SLC22A12: variants seen among roughly 807,000 people sequenced by gnomAD.
SLC22A12 encodes the protein solute carrier family 22 member 12, also known as organic anion transporter 4-like protein.
Under a neutral mutation model 52.7 loss-of-function variants are expected in SLC22A12, and 56 were observed. That is an observed-to-expected ratio of 1.06 (90% CI 0.86 to 1.33). The LOEUF (loss-of-function observed/expected upper bound fraction) is 1.33, where lower values mean the gene tolerates loss of function less well. Ranked by LOEUF, SLC22A12 falls within the 40% of genes most tolerant of loss-of-function variation. SLC22A12 has a pLI of 0.00. For missense variants in SLC22A12, 683 were observed against 741.5 expected, an observed-to-expected ratio of 0.92 and a Z score of 0.92; for synonymous variants, 337 against 324.6, an observed-to-expected ratio of 1.04 and a Z score of -0.41.
chr11:64,598,688 C>A, intron 5 of SLC22A12, 49 bp downstream of exon 5: 12 of 1,600,490 alleles, frequency 7.5e-6, no homozygotes, highest in Non-Finnish European at 1.0e-5. Flanking sequence ...CTCTCCCTGC[C>A]CCTGCATAGG....
At chr11:64,599,034 C>A in intron 6 of SLC22A12, 111 bp downstream of exon 6, 1 of 1,425,070 alleles carries the variant, frequency 7.0e-7, no homozygotes, top group Non-Finnish European at 9.6e-7. Context: ...TGGCCTGCAA[C>A]ACCGACACCT....
intron 4 of SLC22A12, among the ~76,000 whole-genome samples, chr11:64,597,094 G>A (rs2135461115): frequency 6.6e-6 from 1 of 152,230 alleles, no homozygotes; most frequent in Admixed American, 6.5e-5. Flanking sequence ...GAACAACCTG[G>A]GGTATTGACA....
At chr11:64,598,745 T>A in intron 5 of SLC22A12, 63 bp from the exon 6 acceptor site, 1 of 1,608,542 alleles carries the variant, frequency 6.2e-7, no homozygotes. Context: ...GGGAAGAAGG[T>A]CTCAGAGAGG....
At position 64,591,415 on chromosome 11, in the gene SLC22A12, G is replaced by A. The variant is rs1282335997; in HGVS notation, c.-142G>A. The A allele has an allele frequency of 2.1e-5, 24 of 1,149,234 alleles. No homozygotes were observed. Among genetic ancestry groups the A allele is most frequent in the South Asian group, 2.9e-5 (2 of 68,900 alleles). The allele number at this position is 1,149,234 out of a possible 1,614,324, so 71.2% of individuals were successfully genotyped here. ...CCAGAGAGCCTGAGCCTCCGGCCCC[G>A]AGTCTGTGAAGCCTAGCCGCTGGGC... On this transcript the variant is annotated 5_prime_UTR_variant, in exon 1 of 10. Coordinates refer to ENST00000377574, the MANE Select transcript of SLC22A12 (RefSeq NM_144585.4).
At chr11:64,600,653 G>A in intron 8 of SLC22A12, 82 bp from the exon 9 acceptor site, 1 of 1,589,218 alleles carries the variant, frequency 6.3e-7, no homozygotes. Flanking sequence ...GTCTCCCTGG[G>A]CCAAGCGGGC....
Position 64,600,953 on chromosome 11 carries a change from C to G in SLC22A12, c.1598+15C>G, listed in dbSNP as rs1267116647. On this transcript the variant is annotated intron_variant, in intron 9 of 9. Transcript: ENST00000377574. ...GTGCAGAACCAGTGAGTGGACCCAG[C>G]CTCGGGACCACCCCTCCCTCCCACC... 2 of 1,605,520 alleles carry G rather than the reference C, an allele frequency of 1.2e-6. No homozygotes were observed. Among genetic ancestry groups the G allele is most frequent in the Non-Finnish European group, 1.7e-6 (2 of 1,179,862 alleles).
chr11:64,601,951 G>A lies in SLC22A12; in HGVS notation c.*400G>A, dbSNP rs941054622. 2.1e-5 allele frequency: 7 copies of A among 340,266 alleles called. No individual in the cohort carries two copies. Among genetic ancestry groups the A allele is most frequent in the Admixed American group, 1.9e-4 (5 of 25,824 alleles). 21.1% of individuals were successfully genotyped at this position (340,266 alleles called of 1,614,324 possible). On this transcript the variant is annotated 3_prime_UTR_variant, in exon 10 of 10. Transcript: ENST00000377574. The stretch of plus-strand genomic sequence containing the variant: ...AGAGCTAACCACCATCCATGGTCAA[G>A]ACCTCTCCTAGCTCCACACAAGCAG...
intron 4 of SLC22A12, 25 bp downstream of exon 4, chr11:64,593,828 C>T (rs61884369): frequency 6.3e-7 from 1 of 1,599,410 alleles, no homozygotes; most frequent in South Asian, 1.1e-5. Flanking sequence ...CCACTCCCCT[C>T]CTCAGAGGAG....
At position 64,599,790 on chromosome 11, in the gene SLC22A12, C is replaced by A; in HGVS notation, c.1185C>A (p.Gly395=). The part of the protein sequence containing the change: ...IGVVDIPAKM[G]ALLLLSHLGR... ...TCGTGGACATCCCAGCCAAGATGGG[C>A]GCCCTGCTGCTGCTGAGCCACCTGG... The change falls in exon 7 of 10, where the codon GGC becomes GGA. Residue 395 remains glycine (G), a synonymous_variant. Coordinates refer to ENST00000377574, the MANE Select transcript of SLC22A12 (RefSeq NM_144585.4). 1 of 1,612,890 alleles carries A rather than the reference C, an allele frequency of 6.2e-7. No individual in the cohort carries two copies. The highest frequency in any genetic ancestry group is 2.2e-5 in the East Asian group (1 of 44,866).
Position 64,600,495 on chromosome 11 carries a change from C to G in SLC22A12, c.1394+20C>G. ...GCTCAGGTGAGGCTGGGCCTGGGCT[C>G]CAGGAGAGGGGAGCCCTGGGCTGAG... On this transcript the variant is annotated intron_variant, in intron 8 of 9. Transcript: ENST00000377574. The G allele has an allele frequency of 6.3e-7, 1 of 1,575,896 alleles. No homozygotes were observed. Among genetic ancestry groups the G allele is most frequent in the East Asian group, 2.3e-5 (1 of 44,228 alleles).
intron 4 of SLC22A12, among the ~76,000 whole-genome samples, chr11:64,594,877 T>C (rs2039052462): frequency 8.2e-6 from 1 of 122,396 alleles, no homozygotes. Flanking sequence ...ATGGTTGGAA[T>C]GGATGGATGG....
intron 4 of SLC22A12, among the ~76,000 whole-genome samples, chr11:64,595,940 ATGGATGGATGGATGGATGG>A (rs2039179821): frequency 2.5e-5 from 1 of 40,274 alleles, no homozygotes; most frequent in Non-Finnish European, 1.4e-4. Context: ...GGATGGATGG[ATGGATGGATGGATGGATGG>A]ATGGATGGAA....
At chr11:64,595,846 T>TGGATGGAC (rs2039168809) in intron 4 of SLC22A12, among the ~76,000 whole-genome samples, 1 of 148,062 alleles carries the variant, frequency 6.8e-6, no homozygotes, top group Non-Finnish European at 1.5e-5. Flanking sequence ...GATGGATGGA[T>TGGATGGAC]GGATGGATGG....
chr11:64,595,965 TGGAATGGATGGATGG>T (rs2039186586), intron 4 of SLC22A12, among the ~76,000 whole-genome samples: 1 of 102,386 alleles, frequency 9.8e-6, no homozygotes, highest in African/African-American at 4.0e-5. Flanking sequence ...GATGGATGGA[TGGAATGGATGGATGG>T]TTGGAATAGA....
At chr11:64,596,337 T>C (rs1281872543) in intron 4 of SLC22A12, among the ~76,000 whole-genome samples, 2 of 133,390 alleles carry the variant, frequency 1.5e-5, no homozygotes, top group East Asian at 4.9e-4. Context: ...GATGGATGGA[T>C]GGGTGGATGG....
rs771538875 is a variant in SLC22A12 at position 64,598,499 on chromosome 11, C to T, written c.831-17C>T. The T allele has an allele frequency of 2.9e-5, 46 of 1,562,036 alleles. No individual in the cohort carries two copies. Among genetic ancestry groups the T allele is most frequent in the Middle Eastern group, 2.0e-4 (1 of 4,894 alleles). ...GGGCCACAGGCAATGACCCCTCCCA[C>T]GCCCCCTCCACTTAAGGTGGCTGGC... On this transcript the variant is annotated splice_polypyrimidine_tract_variant and intron_variant, in intron 4 of 9. Coordinates refer to ENST00000377574, the MANE Select transcript of SLC22A12 (RefSeq NM_144585.4).
Position 64,591,493 on chromosome 11 carries a change from C to T in SLC22A12, c.-64C>T. ...GGGGGAAACAGGCCCGTTGCCCTGG[C>T]CTCTTTGCCCTGGGCCAGCCTTTGT... On this transcript the variant is annotated 5_prime_UTR_variant, in exon 1 of 10. Coordinates refer to ENST00000377574, the MANE Select transcript of SLC22A12 (RefSeq NM_144585.4). 1 of 1,597,772 alleles carries T rather than the reference C, an allele frequency of 6.3e-7. No homozygotes were observed. Among genetic ancestry groups the T allele is most frequent in the Non-Finnish European group, 8.5e-7 (1 of 1,176,898 alleles).
chr11:64,600,970 C>A (rs749900764), intron 9 of SLC22A12, 32 bp downstream of exon 9: 1 of 1,601,952 alleles, frequency 6.2e-7, no homozygotes, highest in East Asian at 2.2e-5. Flanking sequence ...ACCACCCCTC[C>A]CTCCCACCAG....
rs1046162117 is a variant in SLC22A12 at position 64,601,708 on chromosome 11, T to C, written c.*157T>C. 3.8e-6 allele frequency: 3 copies of C among 779,550 alleles called. No homozygotes were observed. The highest frequency in any genetic ancestry group is 6.5e-6 in the Non-Finnish European group (3 of 462,558). The allele number at this position is 779,550 out of a possible 1,614,324, so 48.3% of individuals were successfully genotyped here. A position where few individuals can be genotyped will look rare whatever the true frequency, so the allele number is the denominator to read the frequency against. The stretch of plus-strand genomic sequence containing the variant: ...CAGGGCTGCCCCTCCAGGTGAGCCC[T>C]GCCCCTCTCACAGTCCAAGGGGCCC... On this transcript the variant is annotated 3_prime_UTR_variant, in exon 10 of 10. Coordinates refer to ENST00000377574, the MANE Select transcript of SLC22A12 (RefSeq NM_144585.4).
Sources: allele counts gnomAD v4.1 joint callset (sites outside exome capture counted in the v4.1 genomes callset), GRCh38; gene constraint gnomAD v4.1.1; transcripts MANE v1.5; gene names NCBI Gene and HGNC (gene_info 2026-07-23, HGNC 2026-07-21).